GPD2: variants seen among roughly 807,000 people sequenced by gnomAD.
The protein encoded by GPD2 is glycerol-3-phosphate dehydrogenase, mitochondrial.
GPD2 carries 54 observed loss-of-function variants against 82.4 expected under a neutral mutation model. The ratio of observed to expected loss-of-function variants is 0.66; its 90% CI spans 0.53 to 0.82. The LOEUF (loss-of-function observed/expected upper bound fraction) is 0.82. GPD2 is among the 40% of genes least tolerant of loss of function. GPD2 has a pLI of 0.00. For missense variants in GPD2, 748 were observed against 896.2 expected, an observed-to-expected ratio of 0.83 and a Z score of 2.11; for synonymous variants, 288 against 306.1, an observed-to-expected ratio of 0.94 and a Z score of 0.62.
chr2:156,541,824 GTTT>G (rs61067726), intron 6 of GPD2, among the ~76,000 whole-genome samples: 32 of 81,462 alleles, frequency 3.9e-4, no homozygotes, highest in African/African-American at 1.5e-3. Flanking sequence ...AATGCTGTTT[GTTT>G]TTTTTTTTTT....
chr2:156,515,954 C>G (rs545837974), intron 6 of GPD2, among the ~76,000 whole-genome samples: 1 of 152,182 alleles, frequency 6.6e-6, no homozygotes, highest in Non-Finnish European at 1.5e-5. Context: ...AATTGAATAT[C>G]GACATGGAAA....
Position 156,549,734 on chromosome 2 carries a change from T to C in GPD2, c.788T>C (p.Val263Ala), listed in dbSNP as rs1381568383. The change falls in exon 7 of 17, where the codon GTG becomes GCG. Residue 263 changes from valine to alanine, a missense_variant. By Grantham distance (64) the Val-to-Ala change is moderately conservative. Coordinates refer to ENST00000438166, the MANE Select transcript of GPD2 (RefSeq NM_000408.5). ...LKKTDPQTGK[V>A]RVSGARCKDV... is the part of the protein sequence containing the mutation. ...AAGACAGACCCCCAGACAGGGAAAG[T>C]GCGTGTGAGCGGCGCACGGTGCAAG... 6.2e-7 allele frequency: 1 copy of C among 1,613,954 alleles called. No homozygotes were observed. The highest frequency in any genetic ancestry group is 1.3e-5 in the African/African-American group (1 of 74,942).
chr2:156,561,040 C>T (rs1258612377), intron 9 of GPD2, among the ~76,000 whole-genome samples: 141 of 27,618 alleles, frequency 5.1e-3, no homozygotes, highest in South Asian at 0.011. Flanking sequence ...TGACATTAAG[C>T]TTTTTTTTTT....
chr2:156,429,829 T>C, the GPD2 span, among the ~76,000 whole-genome samples: 9 of 152,172 alleles, frequency 5.9e-5, no homozygotes, highest in Non-Finnish European at 1.3e-4. Context: ...GGTGGAGATC[T>C]ACCAAATGAG....
intron 3 of GPD2, among the ~76,000 whole-genome samples, chr2:156,508,780 A>G (rs1684876969): frequency 6.6e-6 from 1 of 152,216 alleles, no homozygotes; most frequent in Non-Finnish European, 1.5e-5. Flanking sequence ...GGACTTACTA[A>G]GAAAAGGTGA....
intron 1 of GPD2, among the ~76,000 whole-genome samples, chr2:156,459,709 A>AAAAAAAAAAAAG (rs1682922799): frequency 6.8e-6 from 1 of 147,840 alleles, no homozygotes; most frequent in African/African-American, 2.5e-5. Context: ...AAAAAAAAAA[A>AAAAAAAAAAAAG]GAAAGAAAAA....
chr2:156,570,161 A>T lies in GPD2; in HGVS notation c.1551A>T (p.Lys517Asn). The T allele has an allele frequency of 6.2e-7, 1 of 1,612,940 alleles. No homozygotes were observed. The highest frequency in any genetic ancestry group is 8.5e-7 in the Non-Finnish European group (1 of 1,179,272). Residue 517 changes from lysine to asparagine, a missense_variant, in exon 12 of 17, where the codon AAA becomes AAT. Lys to Asn is a moderately conservative substitution (Grantham distance 94). Transcript: ENST00000438166. ...EVAKMASVTG[K>N]RWPIVGVRLV... ...CCAAAATGGCAAGTGTGACTGGCAA[A>T]AGGTGGCCTATTGTTGGAGTACGTC...
rs1687001818 is a variant in GPD2 at position 156,557,397 on chromosome 2, G to T, written c.980G>T (p.Ser327Ile). 2.5e-6 allele frequency: 4 copies of T among 1,593,664 alleles called. No individual in the cohort carries two copies. Among genetic ancestry groups the T allele is most frequent in the African/African-American group, 1.3e-5 (1 of 74,702 alleles). The change falls in exon 9 of 17, where the codon AGC becomes ATC. Residue 327 changes from serine (S) to isoleucine (I), a missense_variant. Physicochemically the swap from Ser to Ile is moderately radical, Grantham distance 142 (BLOSUM62 -2). Around this residue, in one of 3 missense-constraint regions of GPD2, gnomAD observed 692 missense variants for 809.7 expected, o/e 0.85. Transcript: ENST00000438166. ...CCTTCTTTGTATCTCAGCCCAGAGA[G>T]CATGGGACTTCTTGACCCAGCGACC... ...IVMPGYYSPE[S>I]MGLLDPATSD...
intron 13 of GPD2, among the ~76,000 whole-genome samples, chr2:156,575,713 C>T (rs905441594): frequency 1.2e-4 from 18 of 151,962 alleles, no homozygotes; most frequent in Non-Finnish European, 2.5e-4. Context: ...GTCCTCATTT[C>T]CTTTTTAGAT....
intron 6 of GPD2, among the ~76,000 whole-genome samples, chr2:156,542,742 C>T (rs1400329124): frequency 1.3e-5 from 2 of 152,044 alleles, no homozygotes; most frequent in Non-Finnish European, 2.9e-5. Flanking sequence ...ACTTAATTGC[C>T]TCCTTTATGA....
At chr2:156,508,561 G>A (rs555294044) in intron 3 of GPD2, among the ~76,000 whole-genome samples, 1 of 152,170 alleles carries the variant, frequency 6.6e-6, no homozygotes, top group Admixed American at 6.5e-5. Context: ...TGTGGGCTGT[G>A]GGGGAGGCTG....
chr2:156,465,546 G>C (rs753857303), intron 1 of GPD2, among the ~76,000 whole-genome samples: 5 of 151,846 alleles, frequency 3.3e-5, no homozygotes, highest in African/African-American at 9.7e-5. Context: ...GATTTTTTCT[G>C]TAGAGACAGG....
intron 9 of GPD2, among the ~76,000 whole-genome samples, chr2:156,564,340 T>C (rs72905888): frequency 0.015 from 2,256 of 152,266 alleles, 40 homozygotes; most frequent in Non-Finnish European, 0.021. Flanking sequence ...CAATGATACT[T>C]TATTCAGACT....
chr2:156,510,526 A>G (rs1286836092), intron 3 of GPD2, among the ~76,000 whole-genome samples: 1 of 152,202 alleles, frequency 6.6e-6, no homozygotes, highest in Non-Finnish European at 1.5e-5. Flanking sequence ...GCACCAGAGT[A>G]TGTTACTGCC....
chr2:156,548,696 A>G (rs1000687825), intron 6 of GPD2, among the ~76,000 whole-genome samples: 1 of 152,148 alleles, frequency 6.6e-6, no homozygotes, highest in Non-Finnish European at 1.5e-5. Flanking sequence ...ATCCATTACA[A>G]ATTCATCCCT....
At chr2:156,571,342 T>C (rs1558968237) in intron 13 of GPD2, 50 bp downstream of exon 13, 1 of 1,143,370 alleles carries the variant, frequency 8.7e-7, no homozygotes, top group Non-Finnish European at 1.2e-6. Context: ...AAACGCGGAA[T>C]GGCTTAATTT....
intron 6 of GPD2, among the ~76,000 whole-genome samples, chr2:156,541,055 G>T (rs967944638): frequency 6.6e-6 from 1 of 152,132 alleles, no homozygotes; most frequent in Non-Finnish European, 1.5e-5. Flanking sequence ...AATATTTATT[G>T]AGAACTATTT....
At chr2:156,500,609 T>A (rs1351916786) in intron 3 of GPD2, among the ~76,000 whole-genome samples, 3 of 152,200 alleles carry the variant, frequency 2.0e-5, no homozygotes, top group Admixed American at 2.0e-4. Flanking sequence ...TAATTAGATT[T>A]TTCAGGACAT....
intron 16 of GPD2, among the ~76,000 whole-genome samples, chr2:156,580,650 G>A (rs1362587500): frequency 2.6e-5 from 4 of 152,124 alleles, no homozygotes; most frequent in Non-Finnish European, 5.9e-5. Flanking sequence ...GGGGATTTTG[G>A]TCAATGTCAG....
Sources: gnomAD v4.1 joint callset for allele counts (sites outside exome capture counted in the v4.1 genomes callset) on GRCh38, gnomAD v4.1.1 for gene constraint, gnomAD v4.1.1 regional missense constraint, MANE v1.5 for transcripts, NCBI Gene and HGNC (gene_info 2026-07-23, HGNC 2026-07-21) for gene names.